The following TSPAN9 variants were observed in gnomAD, a reference collection of about 807,000 sequenced individuals.
TSPAN9 encodes tetraspanin-9.
TSPAN9 carries 16 observed loss-of-function variants against 31.0 expected under a neutral mutation model. That is an observed-to-expected ratio of 0.52 (90% confidence interval 0.35 to 0.78). TSPAN9 has a LOEUF of 0.78. TSPAN9 is among the 30% of genes least tolerant of loss of function. The pLI is 0.01. For missense variants in TSPAN9, 272 were observed against 312.5 expected, an observed-to-expected ratio of 0.87 and a Z score of 0.98; for synonymous variants, 145 against 121.6, an observed-to-expected ratio of 1.19 and a Z score of -1.27.
chr12:3,177,763 G>C (rs2098356606), intron 2 of TSPAN9, among the ~76,000 whole-genome samples: 1 of 152,206 alleles, frequency 6.6e-6, no homozygotes, highest in South Asian at 2.1e-4. Flanking sequence ...TGATGGCTTG[G>C]TTGTTTTAAT....
In TSPAN9 at chr12:3,245,368, G is replaced by A. The variant is rs530806486; in HGVS notation, c.64-33053G>A. Among the ~76,000 whole-genome samples the A allele has an allele frequency of 6.6e-5, 10 of 152,364 alleles. No homozygotes were observed. In the South Asian group the frequency reaches 2.1e-3, roughly 32 times the overall value. ...CTCCTGGGTCTCCACCCTGACCATG[G>A]AAAGGGAAGGCTGACTCTTGCCGAG... is the stretch of plus-strand genomic sequence containing the variant. On this transcript the variant is annotated intron_variant, in intron 3 of 8. Transcript: ENST00000011898.
In TSPAN9 at chr12:3,170,122, C is replaced by A. The variant is rs904320270; in HGVS notation, c.-17-31055C>A. The stretch of plus-strand genomic sequence containing the variant: ...CGTCCTTCATCTGGGAATAATAATA[C>A]CTGTCTCACTGGGTTGCTGTGAGGA... On this transcript the variant is annotated intron_variant, in intron 2 of 8. Coordinates refer to ENST00000011898, the MANE Select transcript of TSPAN9 (RefSeq NM_006675.5). This position sits in a 1 kb window ranked among gnomAD's most constrained non-coding sequence, Gnocchi z 4.4. 2.6e-5 allele frequency among the ~76,000 whole-genome samples: 4 copies of A among 152,204 alleles called. No homozygotes were observed. Among genetic ancestry groups the A allele is most frequent in the Non-Finnish European group, 4.4e-5 (3 of 68,036 alleles).
rs368661276 is a variant in TSPAN9, at chr12:3,280,273, C to T, written c.331-109C>T. 4 of 988,310 alleles carry T rather than the reference C, an allele frequency of 4.0e-6. No individual in the cohort carries two copies. The highest frequency in any genetic ancestry group is 1.6e-5 in the African/African-American group (1 of 62,610). The allele number at this position is 988,310 out of a possible 1,614,324, so 61.2% of individuals were successfully genotyped here. Reference sequence around the variant, plus strand: ...CTTCCAGACCAGCTGCCTTCCCTGCCTTCCTCACTCCTCATCTGTCACCCA... The same window carrying T: ...CTTCCAGACCAGCTGCCTTCCCTGCTTTCCTCACTCCTCATCTGTCACCCA... On this transcript the variant is annotated intron_variant, in intron 5 of 8. Coordinates refer to ENST00000011898, the MANE Select transcript of TSPAN9 (RefSeq NM_006675.5). This position sits in a 1 kb window ranked among gnomAD's most constrained non-coding sequence, Gnocchi z 4.5.
intron 2 of TSPAN9, among the ~76,000 whole-genome samples, chr12:3,155,798 T>G (rs2098341960): frequency 6.6e-6 from 1 of 152,170 alleles, no homozygotes; most frequent in Non-Finnish European, 1.5e-5. Flanking sequence ...CCTTGGGCAG[T>G]TAGCAAGTAT....
chr12:3,189,211 G>A (rs2098363052), intron 2 of TSPAN9, among the ~76,000 whole-genome samples: 1 of 152,182 alleles, frequency 6.6e-6, no homozygotes, highest in South Asian at 2.1e-4. Flanking sequence ...GGCTGAGCAG[G>A]ATGGGGGAGG....
intron 3 of TSPAN9, among the ~76,000 whole-genome samples, chr12:3,220,029 C>T (rs1481854136): frequency 6.6e-6 from 1 of 151,940 alleles, no homozygotes; most frequent in Non-Finnish European, 1.5e-5. Context: ...CTTGTAGTCC[C>T]AGCTGCTTGG....
In TSPAN9 at chr12:3,279,167, G is replaced by C. The variant is rs942261695; in HGVS notation, c.330+101G>C. ...TTCCCTGGCCAGAGGAAGAGTGCTG[G>C]CAAGCAGCACCTGTGCAGAAAGGAA... On this transcript the variant is annotated intron_variant, in intron 5 of 8. Transcript: ENST00000011898. 81 of 1,051,500 alleles carry C rather than the reference G, an allele frequency of 7.7e-5. No individual in the cohort carries two copies. The Admixed American group carries it at 1.5e-3, about 19-fold the overall frequency. 65.1% of individuals were successfully genotyped at this position (1,051,500 alleles called of 1,614,324 possible). A position where few individuals can be genotyped will look rare whatever the true frequency, so the allele number is the denominator to read the frequency against.
intron 3 of TSPAN9, among the ~76,000 whole-genome samples, chr12:3,275,506 A>G (rs1591720488): frequency 6.6e-6 from 1 of 152,272 alleles, no homozygotes; most frequent in Non-Finnish European, 1.5e-5. Context: ...TTAATGAAAG[A>G]AAAATTGAGA....
chr12:3,262,608 G>A (rs1236501670), intron 3 of TSPAN9, among the ~76,000 whole-genome samples: 1 of 151,986 alleles, frequency 6.6e-6, no homozygotes, highest in Non-Finnish European at 1.5e-5. Flanking sequence ...TCTTGGTGGT[G>A]GGAATGCTTA....
At chr12:3,138,345 C>T (rs2098333035) in intron 2 of TSPAN9, among the ~76,000 whole-genome samples, 1 of 152,130 alleles carries the variant, frequency 6.6e-6, no homozygotes, top group Admixed American at 6.5e-5. Flanking sequence ...GGTCATTCAC[C>T]ACCTCCCGGA....
In TSPAN9 at chr12:3,219,970, C is replaced by T. The variant is rs933122240; in HGVS notation, c.63+18714C>T. Among the ~76,000 whole-genome samples the T allele has an allele frequency of 4.4e-4, 67 of 151,794 alleles. 1 individual carries two copies. Among genetic ancestry groups the T allele is most frequent in the African/African-American group, 1.5e-3 (62 of 41,372 alleles). The stretch of plus-strand genomic sequence containing the variant: ...AGGAGTTCGAGACTAGCCTGGCCAA[C>T]GTGGTGAAACCCTGTCTCTACTAAA... On this transcript the variant is annotated intron_variant, in intron 3 of 8. Coordinates refer to ENST00000011898, the MANE Select transcript of TSPAN9 (RefSeq NM_006675.5).
At chr12:3,132,504 T>C (rs1305745857) in intron 2 of TSPAN9, among the ~76,000 whole-genome samples, 1 of 152,044 alleles carries the variant, frequency 6.6e-6, no homozygotes, top group Non-Finnish European at 1.5e-5. Flanking sequence ...TTGATTTGCA[T>C]TCCCTGATGG....
At chr12:3,281,892 GAA>G in intron 8 of TSPAN9, 75 bp downstream of exon 8, 1 of 1,519,384 alleles carries the variant, frequency 6.6e-7, no homozygotes. Flanking sequence ...ACAGAGAAGT[GAA>G]AGCAGTGTTG....
At chr12:3,234,093 T>C (rs1357649307) in intron 3 of TSPAN9, among the ~76,000 whole-genome samples, 1 of 152,150 alleles carries the variant, frequency 6.6e-6, no homozygotes, top group Non-Finnish European at 1.5e-5. Flanking sequence ...TGCCCTGCTT[T>C]CCCATCCTGG....
chr12:3,099,309 A>T (rs915955101), intron 2 of TSPAN9, among the ~76,000 whole-genome samples: 9 of 152,118 alleles, frequency 5.9e-5, no homozygotes, highest in African/African-American at 2.2e-4. Context: ...TCTCATGTTC[A>T]ATAATTCCCT....
chr12:3,081,603 G>T (rs927773914), intron 1 of TSPAN9, among the ~76,000 whole-genome samples: 6 of 151,910 alleles, frequency 3.9e-5, no homozygotes, highest in Non-Finnish European at 5.9e-5. Flanking sequence ...TTTTGCTCCT[G>T]GCCTTTATAT....
intron 2 of TSPAN9, among the ~76,000 whole-genome samples, chr12:3,165,335 A>C (rs902762306): frequency 6.6e-6 from 1 of 152,130 alleles, no homozygotes; most frequent in Non-Finnish European, 1.5e-5. Flanking sequence ...GGGATTTCTT[A>C]TTGCTAATTA....
chr12:3,213,328 C>T (rs1227800200), intron 3 of TSPAN9, among the ~76,000 whole-genome samples: 1 of 152,202 alleles, frequency 6.6e-6, no homozygotes, highest in Non-Finnish European at 1.5e-5. Context: ...CACTCTGCCC[C>T]CTGCCCTCTC....
At chr12:3,203,141 C>G (rs2098372943) in intron 3 of TSPAN9, among the ~76,000 whole-genome samples, 1 of 152,120 alleles carries the variant, frequency 6.6e-6, no homozygotes, top group Non-Finnish European at 1.5e-5. Context: ...TGCGCTCACT[C>G]CTCCCCACCC....
Sources: allele counts gnomAD v4.1 joint callset (sites outside exome capture counted in the v4.1 genomes callset), GRCh38; gene constraint gnomAD v4.1.1; non-coding constraint Gnocchi (gnomAD v3.1); transcripts MANE v1.5; gene names NCBI Gene and HGNC (gene_info 2026-07-23, HGNC 2026-07-21).